The following GP9 variants were observed in gnomAD, a reference collection of about 807,000 sequenced individuals.
GP9 encodes platelet glycoprotein IX.
For synonymous variants in GP9, 116 were observed against 116.7 expected (o/e 0.99, Z 0.04); for missense variants, 228 against 241.8 (o/e 0.94, Z 0.38).
the GP9 span, among the ~76,000 whole-genome samples, chr3:129,055,079 C>CTATCTCTA: frequency 6.6e-6 from 1 of 151,658 alleles, no homozygotes. Context: ...TCTATTTTGT[C>CTATCTCTA]TATCTCTATT....
the GP9 span, among the ~76,000 whole-genome samples, chr3:129,054,854 T>A: frequency 2.5e-4 from 38 of 152,308 alleles, no homozygotes; most frequent in African/African-American, 8.4e-4. Context: ...GTTAGTCACA[T>A]CTGGTGGAAC....
At chr3:129,056,853 A>G (rs1341446814), upstream of GP9, among the ~76,000 whole-genome samples, 2 of 152,238 alleles carry the variant, frequency 1.3e-5, no homozygotes. Flanking sequence ...AGTGAGGGAC[A>G]TGGCTAGCCT....
At chr3:129,055,699 C>A in the GP9 span, among the ~76,000 whole-genome samples, 1 of 150,534 alleles carries the variant, frequency 6.6e-6, no homozygotes, top group Non-Finnish European at 1.5e-5. Flanking sequence ...GGCTGGAGTG[C>A]AATGGTACAA....
chr3:129,055,257 T>A, the GP9 span, among the ~76,000 whole-genome samples: 2 of 152,228 alleles, frequency 1.3e-5, no homozygotes, highest in Non-Finnish European at 2.9e-5. Context: ...CTTATAATTT[T>A]ATTTTTAGTT....
At position 129,061,600 on chromosome 3, in the gene GP9, G is replaced by C; in HGVS notation, c.-32G>C. The C allele has an allele frequency of 1.4e-6, 1 of 733,580 alleles. No homozygotes were observed. 45.4% of individuals were successfully genotyped at this position (733,580 alleles called of 1,614,324 possible). ...ACCAGCTGGTTTCCCAGAGGAGAAGGCTGAGACCCGAGAAGGGAGGTGAGT... is the reference window on the plus strand; with the variant it reads ...ACCAGCTGGTTTCCCAGAGGAGAAGCCTGAGACCCGAGAAGGGAGGTGAGT... On this transcript the variant is annotated 5_prime_UTR_variant, in exon 2 of 3. Transcript: ENST00000307395.
In GP9 at chr3:129,061,938, C is replaced by A. The variant is rs758119211; in HGVS notation, c.199C>A (p.Pro67Thr). 6 of 1,613,694 alleles carry A rather than the reference C, an allele frequency of 3.7e-6. No homozygotes were observed. Among genetic ancestry groups the A allele is most frequent in the Non-Finnish European group, 3.4e-6 (4 of 1,179,766 alleles). ...GGCCAACAACAGCCTTCAGTCCGTG[C>A]CCCCGGGAGCCTTTGACCACCTGCC... ...LLANNSLQSVPPGAFDHLPQL... is the reference protein window; with the variant it reads ...LLANNSLQSVTPGAFDHLPQL... Residue 67 changes from proline to threonine, a missense_variant, in exon 3 of 3, where the codon CCC becomes ACC. Coordinates refer to ENST00000307395, the MANE Select transcript of GP9 (RefSeq NM_000174.5).
chr3:129,061,434 C>G (rs571845937), intron 1 of GP9, 60 bp from the exon 2 acceptor site: 190 of 510,144 alleles, frequency 3.7e-4, no homozygotes, highest in African/African-American at 2.6e-3. Flanking sequence ...GGGATGGGGT[C>G]TCTGCTAAGG....
the GP9 span, among the ~76,000 whole-genome samples, chr3:129,055,537 G>T: frequency 2.0e-5 from 3 of 152,146 alleles, no homozygotes; most frequent in Non-Finnish European, 4.4e-5. Context: ...GGGTATCTTT[G>T]TGCCAAGCTA....
chr3:129,059,909 C>T (rs1946557110), upstream of GP9, among the ~76,000 whole-genome samples: 1 of 152,212 alleles, frequency 6.6e-6, no homozygotes, highest in African/African-American at 2.4e-5. Flanking sequence ...AGCCTTCTGT[C>T]TTTGGCTTTT....
At chr3:129,055,239 G>A in the GP9 span, among the ~76,000 whole-genome samples, 1 of 152,110 alleles carries the variant, frequency 6.6e-6, no homozygotes, top group Non-Finnish European at 1.5e-5. Context: ...CATTCAGTTT[G>A]GCAGGGGCTT....
chr3:129,059,042 T>C (rs1488642942), upstream of GP9, among the ~76,000 whole-genome samples: 2 of 152,208 alleles, frequency 1.3e-5, no homozygotes, highest in Non-Finnish European at 1.5e-5. Flanking sequence ...CCTGTGCCTC[T>C]TGGGCAGATG....
chr3:129,056,964 G>C (rs1485447601), upstream of GP9, among the ~76,000 whole-genome samples: 1 of 152,206 alleles, frequency 6.6e-6, no homozygotes, highest in Non-Finnish European at 1.5e-5. Flanking sequence ...CATGGAGCAG[G>C]AGTGTAGTGA....
At chr3:129,057,621 G>C (rs1434041116), upstream of GP9, among the ~76,000 whole-genome samples, 2 of 152,132 alleles carry the variant, frequency 1.3e-5, no homozygotes, top group Admixed American at 6.5e-5. Context: ...ACGAAGACCA[G>C]AGCAGTAGCA....
intron 1 of GP9, 74 bp from the exon 2 acceptor site, chr3:129,061,420 G>C: frequency 2.1e-6 from 1 of 477,922 alleles, no homozygotes; most frequent in Non-Finnish European, 3.9e-6. Context: ...TCATCCCCAA[G>C]CAGGGGATGG....
upstream of GP9, among the ~76,000 whole-genome samples, chr3:129,057,467 T>C (rs921758532): frequency 6.6e-6 from 1 of 152,066 alleles, no homozygotes; most frequent in African/African-American, 2.4e-5. Context: ...AGAAAATTGG[T>C]GTGGCTGGAC....
At chr3:129,055,434 T>C in the GP9 span, among the ~76,000 whole-genome samples, 5 of 152,206 alleles carry the variant, frequency 3.3e-5, no homozygotes, top group African/African-American at 4.8e-5. Flanking sequence ...TCATCATTCA[T>C]TTCTGACCAG....
In GP9 at chr3:129,062,020, C is replaced by T. The variant is rs1382133850; in HGVS notation, c.281C>T (p.Thr94Ile). The T allele has an allele frequency of 1.2e-6, 2 of 1,613,606 alleles. No individual in the cohort carries two copies. Among genetic ancestry groups the T allele is most frequent in the East Asian group, 2.2e-5 (1 of 44,876 alleles). ...CCCTGGCACTGTGACTGCAGCCTCA[C>T]CTATCTGCGCCTCTGGCTGGAGGAC... is the stretch of plus-strand genomic sequence containing the variant. ...QNPWHCDCSL[T>I]YLRLWLEDRT... The change falls in exon 3 of 3, where the codon ACC becomes ATC. Residue 94 changes from threonine to isoleucine, a missense_variant. Physicochemically the swap from Thr to Ile is moderately conservative, Grantham distance 89 (BLOSUM62 -1). Transcript: ENST00000307395.
chr3:129,057,081 A>G (rs1291974883), upstream of GP9, among the ~76,000 whole-genome samples: 2 of 152,232 alleles, frequency 1.3e-5, no homozygotes, highest in Non-Finnish European at 2.9e-5. Flanking sequence ...CAAGGCTGAC[A>G]AGTATGTATT....
chr3:129,055,608 CA>C, the GP9 span, among the ~76,000 whole-genome samples: 2 of 151,238 alleles, frequency 1.3e-5, no homozygotes, highest in African/African-American at 4.9e-5. Context: ...GAAGGTACGT[CA>C]AAGGGTGTGA....
Sources: gnomAD v4.1 joint callset for allele counts (sites outside exome capture counted in the v4.1 genomes callset) on GRCh38, gnomAD v4.1.1 for gene constraint, MANE v1.5 for transcripts, NCBI Gene and HGNC (gene_info 2026-07-23, HGNC 2026-07-21) for gene names.